Variants in OLA1 observed in about 807,000 individuals in gnomAD.
OLA1 encodes obg-like ATPase 1.
A neutral mutation model predicts 48.4 loss-of-function variants in OLA1; 14 were observed. The ratio of observed to expected loss-of-function variants is 0.29; its 90% CI spans 0.19 to 0.45. The LOEUF is 0.45. Ranked by LOEUF, OLA1 falls within the 20% of genes least tolerant of loss-of-function variation. The pLI is 1.00. For synonymous variants in OLA1, 127 were observed against 150.4 expected (o/e 0.84, Z 1.14); for missense variants, 325 against 467.1 (o/e 0.70, Z 2.80).
intron 4 of OLA1, among the ~76,000 whole-genome samples, chr2:174,174,299 T>C (rs1687374375): frequency 6.6e-6 from 1 of 151,856 alleles, no homozygotes; most frequent in Admixed American, 6.6e-5. Flanking sequence ...TTTTAGCAAA[T>C]CAAATTCAAA....
chr2:174,193,091 C>T (rs1445188883), intron 4 of OLA1, among the ~76,000 whole-genome samples: 5 of 137,928 alleles, frequency 3.6e-5, no homozygotes, highest in African/African-American at 5.4e-5. Context: ...TTCTTTCTTT[C>T]TTTTTTTTTT....
intron 4 of OLA1, among the ~76,000 whole-genome samples, chr2:174,195,741 T>C (rs1458683914): frequency 2.0e-5 from 3 of 152,316 alleles, no homozygotes; most frequent in African/African-American, 7.2e-5. Context: ...CTGGCTACTT[T>C]AGAAAACATC....
intron 7 of OLA1, among the ~76,000 whole-genome samples, chr2:174,103,294 G>A (rs1226762727): frequency 6.6e-6 from 1 of 152,082 alleles, no homozygotes; most frequent in East Asian, 1.9e-4. Context: ...TTAAAAAAAA[G>A]AAAAATATTT....
At chr2:174,119,586 T>C (rs1363171319) in intron 7 of OLA1, among the ~76,000 whole-genome samples, 1 of 151,992 alleles carries the variant, frequency 6.6e-6, no homozygotes, top group Non-Finnish European at 1.5e-5. Context: ...ATCAAGAAAA[T>C]ATATTTATTC....
intron 7 of OLA1, among the ~76,000 whole-genome samples, chr2:174,113,117 A>AT (rs1179151637): frequency 6.6e-6 from 1 of 151,724 alleles, no homozygotes; most frequent in African/African-American, 2.4e-5. Flanking sequence ...ATTTTTTTGT[A>AT]TTTTTTAAGT....
chr2:174,230,292 G>A (rs2105456708), intron 2 of OLA1, among the ~76,000 whole-genome samples: 1 of 152,166 alleles, frequency 6.6e-6, no homozygotes, highest in Non-Finnish European at 1.5e-5. Context: ...ACTCACAGTG[G>A]CCATCTTTTA....
chr2:174,118,134 TCA>T (rs1213588549), intron 7 of OLA1, among the ~76,000 whole-genome samples: 1 of 152,094 alleles, frequency 6.6e-6, no homozygotes, highest in East Asian at 1.9e-4. Flanking sequence ...TCATGAGAAC[TCA>T]CTCATTATCA....
intron 4 of OLA1, among the ~76,000 whole-genome samples, chr2:174,221,986 T>G (rs1688516627): frequency 6.6e-6 from 1 of 152,172 alleles, no homozygotes; most frequent in South Asian, 2.1e-4. Flanking sequence ...TTCACTCAAA[T>G]TTAAACTACC....
At chr2:174,221,268 C>G (rs1449989061) in intron 4 of OLA1, among the ~76,000 whole-genome samples, 1 of 40,554 alleles carries the variant, frequency 2.5e-5, no homozygotes, top group East Asian at 0.17. Flanking sequence ...AATTCATTTC[C>G]CCCCCCACAA....
intron 4 of OLA1, among the ~76,000 whole-genome samples, chr2:174,147,485 T>C (rs1378016717): frequency 6.6e-6 from 1 of 152,160 alleles, no homozygotes; most frequent in African/African-American, 2.4e-5. Flanking sequence ...TTCTCTCTTA[T>C]GGCCTAAAGG....
intron 4 of OLA1, among the ~76,000 whole-genome samples, chr2:174,205,435 C>T (rs1688090532): frequency 6.6e-6 from 1 of 151,966 alleles, no homozygotes. Context: ...TAAAGTAATC[C>T]CTAGTTTTTG....
chr2:174,168,741 A>G (rs188276255), intron 4 of OLA1, among the ~76,000 whole-genome samples: 10 of 149,436 alleles, frequency 6.7e-5, no homozygotes, highest in Admixed American at 1.4e-4. Flanking sequence ...AGAACTGATA[A>G]ACACAATATG....
chr2:174,137,499 T>C (rs1330223822), intron 5 of OLA1, among the ~76,000 whole-genome samples: 1 of 152,250 alleles, frequency 6.6e-6, no homozygotes, highest in African/African-American at 2.4e-5. Flanking sequence ...AAGCCAGGCA[T>C]TGACTTCTCT....
chr2:174,185,334 A>G (rs750964483), intron 4 of OLA1, among the ~76,000 whole-genome samples: 1 of 152,214 alleles, frequency 6.6e-6, no homozygotes, highest in Non-Finnish European at 1.5e-5. Context: ...AAAATAAAAT[A>G]AAATAAAATG....
At position 174,226,198 on chromosome 2, in the gene OLA1, CAAAAAAA is replaced by C. The variant is rs532536178; in HGVS notation, c.246-3045_246-3039del. ...TGGGCGACAGAGCGAGACTCCGTCT[CAAAAAAA>C]AAAAAAAAAAAAGAAAATGAGCTTC... On this transcript the variant is annotated intron_variant, in intron 3 of 10. Transcript: ENST00000284719. Among the ~76,000 whole-genome samples, 4 of 83,588 alleles carry C rather than the reference CAAAAAAA, an allele frequency of 4.8e-5. 2 individuals are homozygous for C. The highest frequency in any genetic ancestry group is 1.0e-4 in the Non-Finnish European group (4 of 38,696). 54.8% of individuals were successfully genotyped at this position (83,588 alleles called of 152,430 possible). A position where few individuals can be genotyped will look rare whatever the true frequency, so the allele number is the denominator to read the frequency against.
chr2:174,102,479 C>T (rs1394678835), intron 7 of OLA1, among the ~76,000 whole-genome samples: 1 of 151,466 alleles, frequency 6.6e-6, no homozygotes, highest in Non-Finnish European at 1.5e-5. Flanking sequence ...CATGAAGTTT[C>T]TAAGTTTGGT....
At chr2:174,092,018 T>C (rs934753623) in intron 7 of OLA1, among the ~76,000 whole-genome samples, 8 of 149,594 alleles carry the variant, frequency 5.3e-5, no homozygotes, top group Non-Finnish European at 1.0e-4. Context: ...CACCTGGCAT[T>C]AGTGGATAGA....
At chr2:174,097,617 C>T (rs1685286920) in intron 7 of OLA1, among the ~76,000 whole-genome samples, 1 of 151,784 alleles carries the variant, frequency 6.6e-6, no homozygotes. Context: ...AGCCTGTAAT[C>T]CCAGCTACTT....
intron 9 of OLA1, among the ~76,000 whole-genome samples, chr2:174,079,883 G>A (rs959292862): frequency 6.6e-6 from 1 of 151,888 alleles, no homozygotes; most frequent in Non-Finnish European, 1.5e-5. Flanking sequence ...ATGCTTACCT[G>A]ACTAAATATC....
Sources: allele counts gnomAD v4.1 joint callset (sites outside exome capture counted in the v4.1 genomes callset), GRCh38; gene constraint gnomAD v4.1.1; transcripts MANE v1.5; gene names NCBI Gene and HGNC (gene_info 2026-07-23, HGNC 2026-07-21).